PRPH2: variants seen among roughly 807,000 people sequenced by gnomAD.
PRPH2 encodes the protein peripherin-2.
In PRPH2, 17 loss-of-function variants were observed where a neutral mutation model predicts 31.3. That is an observed-to-expected ratio of 0.54 (90% CI 0.37 to 0.81). The LOEUF (loss-of-function observed/expected upper bound fraction) is 0.81. Ranked by LOEUF, PRPH2 falls within the 40% of genes least tolerant of loss-of-function variation. The pLI is 0.00. For synonymous variants in PRPH2, 165 were observed against 184.4 expected, an observed-to-expected ratio of 0.89 and a Z score of 0.85; for missense variants, 430 against 439.7, an observed-to-expected ratio of 0.98 and a Z score of 0.20.
chr6:42,721,717 A>G, intron 1 of PRPH2, 37 bp downstream of exon 1: 1 of 1,610,966 alleles, frequency 6.2e-7, no homozygotes, highest in Non-Finnish European at 8.5e-7. Flanking sequence ...TCCCCAATAT[A>G]TTCATAGCTC....
intron 1 of PRPH2, among the ~76,000 whole-genome samples, chr6:42,713,856 G>T (rs1458926178): frequency 2.7e-5 from 4 of 146,234 alleles, no homozygotes; most frequent in African/African-American, 7.6e-5. Flanking sequence ...GGAGGCGAAG[G>T]TTGCAGTGAG....
At chr6:42,703,702 G>A (rs373253514) in intron 2 of PRPH2, among the ~76,000 whole-genome samples, 180 of 152,274 alleles carry the variant, frequency 1.2e-3, no homozygotes, top group African/African-American at 4.1e-3. Context: ...GATTTTCTTG[G>A]GGGCTGATGG....
At chr6:42,715,835 T>G (rs1038710553) in intron 1 of PRPH2, among the ~76,000 whole-genome samples, 1 of 152,150 alleles carries the variant, frequency 6.6e-6, no homozygotes, top group African/African-American at 2.4e-5. Flanking sequence ...CCTCCATGCT[T>G]ACTGAGGCAA....
rs200876455 is a variant in PRPH2, at chr6:42,721,824, A to T, written c.511T>A (p.Phe171Ile). The T allele has an allele frequency of 3.7e-6, 6 of 1,614,140 alleles. No homozygotes were observed. The African/African-American group carries it at 8.0e-5, about 22-fold the overall frequency. Reference sequence around the variant, plus strand: ...CACTGAATCTCAAACCAGTCCCGAAAACCGTTGTTGCCGCAGCATTTGAAC... The same window carrying T: ...CACTGAATCTCAAACCAGTCCCGAATACCGTTGTTGCCGCAGCATTTGAAC... Reference protein sequence around the residue: ...IEFKCCGNNGFRDWFEIQWIS... With the variant: ...IEFKCCGNNGIRDWFEIQWIS... Residue 171 changes from phenylalanine to isoleucine, a missense_variant, in exon 1 of 3, where the codon TTT becomes ATT. By Grantham distance (21) the Phe-to-Ile change is conservative. Transcript: ENST00000230381.
chr6:42,721,723 A>G (rs373113428), intron 1 of PRPH2, 31 bp downstream of exon 1: 47 of 1,612,236 alleles, frequency 2.9e-5, no homozygotes, highest in Non-Finnish European at 2.5e-6. Flanking sequence ...ATATATTCAT[A>G]GCTCTGACCC....
In PRPH2 at chr6:42,718,730, C is replaced by T. The variant is rs190249998; in HGVS notation, c.581+3024G>A. ...GTGGCATGATCTTAGCTCACTACAA[C>T]CTCTGCCTCCTGGGCTCAAATAAAT... On this transcript the variant is annotated intron_variant, in intron 1 of 2. Coordinates refer to ENST00000230381, the MANE Select transcript of PRPH2 (RefSeq NM_000322.5). Among the ~76,000 whole-genome samples, 175 of 152,194 alleles carry T rather than the reference C, an allele frequency of 1.1e-3. 1 individual carries two copies. The highest frequency in any genetic ancestry group is 4.3e-3 in the Admixed American group (66 of 15,284).
In PRPH2 at chr6:42,697,147, A is replaced by C. The variant is rs1454371289; in HGVS notation, c.*1148T>G. 1 of 152,004 alleles carries C rather than the reference A, an allele frequency of 6.6e-6. No individual in the cohort carries two copies. The highest frequency in any genetic ancestry group is 2.4e-5 in the African/African-American group (1 of 41,360). 9.4% of individuals were successfully genotyped at this position (152,004 alleles called of 1,614,324 possible). ...TCACCAGGGCTTGGGAAGTCAGCAA[A>C]ATCATTCTCTCCTTCCCCTGAAAGC... On this transcript the variant is annotated 3_prime_UTR_variant, in exon 3 of 3. Coordinates refer to ENST00000230381, the MANE Select transcript of PRPH2 (RefSeq NM_000322.5).
chr6:42,716,953 C>CT (rs1761797282), intron 1 of PRPH2, among the ~76,000 whole-genome samples: 1 of 54,498 alleles, frequency 1.8e-5, no homozygotes, highest in Non-Finnish European at 3.6e-5. Context: ...TCTTTTCTTT[C>CT]TTTCTTTTCT....
chr6:42,709,494 C>A (rs1388171195), intron 1 of PRPH2, among the ~76,000 whole-genome samples: 2 of 152,142 alleles, frequency 1.3e-5, no homozygotes, highest in Non-Finnish European at 2.9e-5. Context: ...AGCTGCTATT[C>A]TAGGCGCTGA....
rs1273320772 is a variant in PRPH2 at position 42,704,750 on chromosome 6, G to T, written c.582-139C>A. The T allele has an allele frequency of 6.1e-6, 8 of 1,313,808 alleles. No homozygotes were observed. The Admixed American group carries it at 1.1e-4, about 18-fold the overall frequency. The allele number at this position is 1,313,808 out of a possible 1,614,324, so 81.4% of individuals were successfully genotyped here. A position where few individuals can be genotyped will look rare whatever the true frequency, so the allele number is the denominator to read the frequency against. On this transcript the variant is annotated intron_variant, in intron 1 of 2. Coordinates refer to ENST00000230381, the MANE Select transcript of PRPH2 (RefSeq NM_000322.5). ...TATATATTTGCTGTGCGCCCGCTAC[G>T]TGCCAGTCACTGTTCTAGGCGCTGA...
At chr6:42,703,867 CGAGGCAGGCAGATCACGAG>C (rs1161968819) in intron 2 of PRPH2, among the ~76,000 whole-genome samples, 1 of 151,976 alleles carries the variant, frequency 6.6e-6, no homozygotes, top group Non-Finnish European at 1.5e-5. Flanking sequence ...TTCGGGAGGC[CGAGGCAGGCAGATCACGAG>C]GTCAGGAGAT....
chr6:42,718,346 T>C (rs535810483), intron 1 of PRPH2, among the ~76,000 whole-genome samples: 1 of 150,904 alleles, frequency 6.6e-6, no homozygotes, highest in African/African-American at 2.4e-5. Flanking sequence ...CACACCTATA[T>C]AATCTCAGCT....
chr6:42,709,166 T>C (rs1411067589), intron 1 of PRPH2, among the ~76,000 whole-genome samples: 1 of 151,208 alleles, frequency 6.6e-6, no homozygotes, highest in Non-Finnish European at 1.5e-5. Flanking sequence ...CCGTCTCTAC[T>C]AAAAATACAA....
chr6:42,711,458 C>T (rs1289062128), intron 1 of PRPH2, among the ~76,000 whole-genome samples: 2 of 152,130 alleles, frequency 1.3e-5, no homozygotes, highest in Non-Finnish European at 2.9e-5. Flanking sequence ...GGGAATGCAG[C>T]CCTGTCCTCA....
At chr6:42,705,583 AAAAAAAAAAAAAAAAAATAT>A (rs1334423317) in intron 1 of PRPH2, among the ~76,000 whole-genome samples, 125 of 59,124 alleles carry the variant, frequency 2.1e-3, no homozygotes, top group African/African-American at 6.0e-3. Context: ...CTAAAAAAAA[AAAAAAAAAAAAAAAAAATAT>A]ATATATATAT....
At chr6:42,711,729 C>T (rs900715030) in intron 1 of PRPH2, 4 of 979,658 alleles carry the variant, frequency 4.1e-6, no homozygotes, top group South Asian at 4.7e-5. Context: ...GAGATGTCTA[C>T]GAATTGTTTA....
chr6:42,699,082 TTA>T (rs1800003889), intron 2 of PRPH2, among the ~76,000 whole-genome samples: 1 of 146,390 alleles, frequency 6.8e-6, no homozygotes, highest in African/African-American at 2.5e-5. Context: ...GAGACAAGTC[TTA>T]CTCTGTCACC....
At position 42,722,418 on chromosome 6, in the gene PRPH2, C is replaced by T; in HGVS notation, c.-84G>A. 1 of 1,578,160 alleles carries T rather than the reference C, an allele frequency of 6.3e-7. No individual in the cohort carries two copies. Among genetic ancestry groups the T allele is most frequent in the Non-Finnish European group, 8.6e-7 (1 of 1,168,038 alleles). On this transcript the variant is annotated 5_prime_UTR_variant, in exon 1 of 3. Transcript: ENST00000230381. The surrounding 1 kb of genome is among the most constrained non-coding windows in gnomAD (Gnocchi z 4.4). ...CGAGCCCAGAGGCGGAGACTTAGGGCCTTGGGAAAAGTGCAGATGGCCCAA... is the reference window on the plus strand; with the variant it reads ...CGAGCCCAGAGGCGGAGACTTAGGGTCTTGGGAAAAGTGCAGATGGCCCAA...
At chr6:42,703,939 C>A (rs910260786) in intron 2 of PRPH2, among the ~76,000 whole-genome samples, 1 of 151,688 alleles carries the variant, frequency 6.6e-6, no homozygotes. Flanking sequence ...GTCTCTACTA[C>A]AAATATAAAA....
Sources: gnomAD v4.1 joint callset for allele counts (sites outside exome capture counted in the v4.1 genomes callset) on GRCh38, gnomAD v4.1.1 for gene constraint, Gnocchi (gnomAD v3.1) non-coding constraint, MANE v1.5 for transcripts, NCBI Gene and HGNC (gene_info 2026-07-23, HGNC 2026-07-21) for gene names.